LRP12: variants seen among roughly 807,000 people sequenced by gnomAD.
LRP12 encodes LDL receptor related protein 12.
A neutral mutation model predicts 66.0 loss-of-function variants in LRP12; 14 were observed. The ratio of observed to expected loss-of-function variants is 0.21; its 90% CI spans 0.14 to 0.33. The LOEUF (loss-of-function observed/expected upper bound fraction) is 0.33, where lower values mean the gene tolerates loss of function less well. LRP12 is among the 10% of genes least tolerant of loss of function. The pLI is 1.00. For synonymous variants in LRP12, 357 were observed against 359.1 expected (o/e 0.99, Z 0.07); for missense variants, 889 against 1,053.4 (o/e 0.84, Z 2.16).
chr8:104,491,163 G>T lies in LRP12; in HGVS notation c.2090C>A (p.Thr697Asn). 2 of 1,614,094 alleles carry T rather than the reference G, an allele frequency of 1.2e-6. No homozygotes were observed. The highest frequency in any genetic ancestry group is 1.7e-6 in the Non-Finnish European group (2 of 1,180,016). Residue 697 changes from threonine to asparagine, a missense_variant, in exon 7 of 7, where the codon ACT (threonine) becomes AAT (asparagine). Around this residue, in one of 3 missense-constraint regions of LRP12, gnomAD observed 800 missense variants for 964.5 expected, o/e 0.83. Coordinates refer to ENST00000276654, the MANE Select transcript of LRP12 (RefSeq NM_013437.5). ...TGCATGACCACCTCGGGTACTCTGA[G>T]TTGAGGAACTTGCACATGCTCCTAC... is the stretch of plus-strand genomic sequence containing the variant. ...ATVGACASSS[T>N]QSTRGGHADN...
At chr8:104,511,863 C>G (rs1289918218) in intron 2 of LRP12, among the ~76,000 whole-genome samples, 1 of 151,784 alleles carries the variant, frequency 6.6e-6, no homozygotes, top group African/African-American at 2.4e-5. Flanking sequence ...AAGGGCTTAG[C>G]ATTCATCTCA....
intron 2 of LRP12, among the ~76,000 whole-genome samples, chr8:104,530,981 G>C (rs550336516): frequency 6.6e-6 from 1 of 152,142 alleles, no homozygotes; most frequent in African/African-American, 2.4e-5. Flanking sequence ...TGTTGGGCTT[G>C]ATGTGTTTGA....
In LRP12 at chr8:104,497,336, C is replaced by T. The variant is rs1326146523; in HGVS notation, c.1216G>A (p.Asp406Asn). Reference protein sequence around the residue: ...DGYWHCPNGRDETNCTMCQKE... With the variant: ...DGYWHCPNGRNETNCTMCQKE... ...TGGCACATGGTACAATTGGTTTCATCCCTTCCATTTGGGCAATGCCAATAC... is the reference window on the plus strand; with the variant it reads ...TGGCACATGGTACAATTGGTTTCATTCCTTCCATTTGGGCAATGCCAATAC... The change falls in exon 5 of 7, where the codon GAT becomes AAT. Residue 406 changes from aspartate (D) to asparagine (N), a missense_variant. Coordinates refer to ENST00000276654, the MANE Select transcript of LRP12 (RefSeq NM_013437.5). The surrounding 1 kb of genome is among the most constrained non-coding windows in gnomAD (Gnocchi z 4.3). 6 of 1,613,942 alleles carry T rather than the reference C, an allele frequency of 3.7e-6. No individual in the cohort carries two copies. The African/African-American group carries it at 6.7e-5, about 18-fold the overall frequency.
chr8:104,588,157 C>T (rs1458911969), intron 1 of LRP12, among the ~76,000 whole-genome samples: 2 of 152,160 alleles, frequency 1.3e-5, no homozygotes, highest in African/African-American at 4.8e-5. Flanking sequence ...AACTAGGAGT[C>T]AGGACAGATG....
At chr8:104,495,875 G>C (rs1270310964) in intron 5 of LRP12, 1 of 149,968 alleles carries the variant, frequency 6.7e-6, no homozygotes, top group African/African-American at 2.5e-5. Context: ...AGCTGAGATC[G>C]CACCAGTGCA....
intron 1 of LRP12, among the ~76,000 whole-genome samples, chr8:104,582,541 C>G (rs1251067674): frequency 6.6e-6 from 1 of 152,134 alleles, no homozygotes; most frequent in African/African-American, 2.4e-5. Flanking sequence ...TATTGGAAAT[C>G]CAGCTTTTGC....
intron 1 of LRP12, among the ~76,000 whole-genome samples, chr8:104,563,162 T>C (rs1034835622): frequency 2.0e-5 from 3 of 152,174 alleles, no homozygotes; most frequent in Non-Finnish European, 4.4e-5. Flanking sequence ...ACCTTTTTGT[T>C]CCTCAGCTTC....
intron 2 of LRP12, among the ~76,000 whole-genome samples, chr8:104,521,976 T>A (rs1014260791): frequency 6.6e-6 from 1 of 152,030 alleles, no homozygotes; most frequent in African/African-American, 2.4e-5. Context: ...ATTTAAAAAA[T>A]AATTGTAAAC....
intron 2 of LRP12, among the ~76,000 whole-genome samples, chr8:104,511,412 C>A (rs1286885135): frequency 2.0e-5 from 3 of 151,842 alleles, no homozygotes; most frequent in Non-Finnish European, 4.4e-5. Flanking sequence ...TTCACAGGCA[C>A]TAGCATAGGA....
chr8:104,493,290 TA>T (rs376596647), intron 6 of LRP12, among the ~76,000 whole-genome samples: 1 of 152,340 alleles, frequency 6.6e-6, no homozygotes, highest in African/African-American at 2.4e-5. Flanking sequence ...AAATCTGCTA[TA>T]AAAATTTGGT....
intron 1 of LRP12, among the ~76,000 whole-genome samples, chr8:104,577,810 C>A (rs1174991540): frequency 6.6e-3 from 735 of 110,930 alleles, no homozygotes; most frequent in South Asian, 0.013. Context: ...GACTCCATCT[C>A]AAAAAAAAAA....
In LRP12 at chr8:104,499,496, C is replaced by A; in HGVS notation, c.296G>T (p.Gly99Val). 1 of 1,597,422 alleles carries A rather than the reference C, an allele frequency of 6.3e-7. No homozygotes were observed. The highest frequency in any genetic ancestry group is 8.5e-7 in the Non-Finnish European group (1 of 1,175,460). Reference sequence around the variant, plus strand: ...CCAGTCCAAATTGCACCTTCTGGATCCTTGAATATCAAAATCCTGAAAACT... The same window carrying A: ...CCAGTCCAAATTGCACCTTCTGGATACTTGAATATCAAAATCCTGAAAACT... ...TISFQDFDIQ[G>V]SRRCNLDWLT... The change falls in exon 4 of 7, where the codon GGA (glycine) becomes GTA (valine). Residue 99 changes from glycine to valine, a missense_variant. Physicochemically the swap from Gly to Val is moderately radical, Grantham distance 109. Around this residue, in one of 3 missense-constraint regions of LRP12, gnomAD observed 800 missense variants for 964.5 expected, o/e 0.83. Transcript: ENST00000276654.
chr8:104,588,985 C>CCGCCGCCGA lies in LRP12; in HGVS notation c.-89_-88insTCGGCGGCG, dbSNP rs1812390025. The CCGCCGCCGA allele has an allele frequency of 5.6e-6, 5 of 894,672 alleles. No homozygotes were observed. Among genetic ancestry groups the CCGCCGCCGA allele is most frequent in the Non-Finnish European group, 8.4e-6 (5 of 598,358 alleles). 55.4% of individuals were successfully genotyped at this position (894,672 alleles called of 1,614,324 possible). On this transcript the variant is annotated 5_prime_UTR_variant, in exon 1 of 7. Transcript: ENST00000276654. Reference sequence around the variant, plus strand: ...GACGACGCCGACGCCGCCGCCGCCGCCGCCGCCGCCGCCGAGCCACCGGCT... The same window carrying CCGCCGCCGA: ...GACGACGCCGACGCCGCCGCCGCCGCCGCCGCCGACGCCGCCGCCGCCGAGCCACCGGCT...
In LRP12 at chr8:104,583,892, T is replaced by C. The variant is rs115290528; in HGVS notation, c.79+4927A>G. On this transcript the variant is annotated intron_variant, in intron 1 of 6. Transcript: ENST00000276654. The stretch of plus-strand genomic sequence containing the variant: ...TAAGTATTAAGTACTTGTAAGTAAA[T>C]AAGTGCTATTAAACTTAATTTAATG... Among the ~76,000 whole-genome samples the C allele has an allele frequency of 3.4e-3, 514 of 152,268 alleles. 3 individuals are homozygous for C. The highest frequency in any genetic ancestry group is 0.012 in the African/African-American group (479 of 41,576).
intron 4 of LRP12, among the ~76,000 whole-genome samples, chr8:104,499,069 G>A (rs1420698961): frequency 6.6e-6 from 1 of 152,188 alleles, no homozygotes; most frequent in Non-Finnish European, 1.5e-5. Context: ...TAGAATAAAT[G>A]TATTTAAGAT....
At chr8:104,496,902 A>G in intron 5 of LRP12, 70 bp downstream of exon 5, 1 of 1,384,292 alleles carries the variant, frequency 7.2e-7, no homozygotes, top group African/African-American at 1.4e-5. Context: ...ATTGCTAATC[A>G]TCAAAGAACT....
intron 3 of LRP12, among the ~76,000 whole-genome samples, chr8:104,501,469 G>A (rs1810826959): frequency 6.6e-6 from 1 of 152,108 alleles, no homozygotes; most frequent in Admixed American, 6.5e-5. Context: ...GGAGGCTGAG[G>A]TGGGCAGATC....
chr8:104,519,383 G>C (rs1442351333), intron 2 of LRP12, among the ~76,000 whole-genome samples: 1 of 151,984 alleles, frequency 6.6e-6, no homozygotes, highest in Non-Finnish European at 1.5e-5. Flanking sequence ...CTCCCTGTAT[G>C]GGAATAATTA....
intron 1 of LRP12, among the ~76,000 whole-genome samples, chr8:104,536,340 T>C (rs746195575): frequency 1.6e-4 from 24 of 152,118 alleles, no homozygotes; most frequent in Non-Finnish European, 2.6e-4. Context: ...CATTCTGTTA[T>C]AGACTCCTTT....
Sources: gnomAD v4.1 joint callset for allele counts (sites outside exome capture counted in the v4.1 genomes callset) on GRCh38, gnomAD v4.1.1 for gene constraint, gnomAD v4.1.1 regional missense constraint, Gnocchi (gnomAD v3.1) non-coding constraint, MANE v1.5 for transcripts, NCBI Gene and HGNC (gene_info 2026-07-23, HGNC 2026-07-21) for gene names.